Variants in PDLIM5 observed in about 807,000 individuals in gnomAD.
PDLIM5 encodes PDZ and LIM domain 5.
A neutral mutation model predicts 64.2 loss-of-function variants in PDLIM5; 34 were observed. The ratio of observed to expected loss-of-function variants is 0.53; its 90% CI spans 0.40 to 0.71. The LOEUF (loss-of-function observed/expected upper bound fraction) is 0.71. Ranked by LOEUF, PDLIM5 falls within the 30% of genes least tolerant of loss-of-function variation. The probability of loss-of-function intolerance (pLI) is 0.00; values close to 1 mark genes in which losing one functional copy is unlikely to be tolerated. For missense variants in PDLIM5, 683 were observed against 733.6 expected, an observed-to-expected ratio of 0.93 and a Z score of 0.80; for synonymous variants, 253 against 269.1, an observed-to-expected ratio of 0.94 and a Z score of 0.59.
At chr4:94,509,310 G>A (rs1728662675) in intron 2 of PDLIM5, among the ~76,000 whole-genome samples, 1 of 151,938 alleles carries the variant, frequency 6.6e-6, no homozygotes, top group South Asian at 2.1e-4. Flanking sequence ...GCATTTCTTG[G>A]CATTTTCAGT....
chr4:94,478,893 T>G, intron 2 of PDLIM5, among the ~76,000 whole-genome samples: 1 of 51,754 alleles, frequency 1.9e-5, no homozygotes, highest in South Asian at 3.6e-4. Flanking sequence ...GCTTGGTGTT[T>G]TTTTTTTTTT....
intron 2 of PDLIM5, among the ~76,000 whole-genome samples, chr4:94,480,681 C>T (rs920806638): frequency 4.6e-5 from 7 of 152,174 alleles, no homozygotes; most frequent in African/African-American, 1.7e-4. Flanking sequence ...CCTCCTTCTA[C>T]CCTTCAGACC....
rs551803891 is a variant in PDLIM5, at chr4:94,567,501, C to T, written c.249-5850C>T. ...GTTTTCAGAGAATGCAATTCTAGTA[C>T]AGATTGATTTTTTTTTTTTTCATTC... On this transcript the variant is annotated intron_variant, in intron 3 of 12. Coordinates refer to ENST00000317968, the MANE Select transcript of PDLIM5 (RefSeq NM_006457.5). 8.4e-5 allele frequency among the ~76,000 whole-genome samples: 10 copies of T among 118,588 alleles called. No individual in the cohort carries two copies. The South Asian group carries it at 2.3e-3, about 27-fold the overall frequency. The allele number at this position is 118,588 out of a possible 152,430, so 77.8% of individuals were successfully genotyped here.
At chr4:94,646,292 A>G (rs1741407794) in intron 9 of PDLIM5, among the ~76,000 whole-genome samples, 1 of 152,184 alleles carries the variant, frequency 6.6e-6, no homozygotes, top group Non-Finnish European at 1.5e-5. Flanking sequence ...GTGGGCCTTA[A>G]TTAAATTTAA....
intron 5 of PDLIM5, chr4:94,579,470 T>C: frequency 6.2e-6 from 6 of 963,058 alleles, no homozygotes; most frequent in Non-Finnish European, 9.1e-6. Flanking sequence ...CTTGGAAGAT[T>C]AAAAAAAAAT....
chr4:94,637,608 T>A (rs542391329), intron 8 of PDLIM5, among the ~76,000 whole-genome samples: 21 of 152,294 alleles, frequency 1.4e-4, no homozygotes, highest in African/African-American at 4.3e-4. Context: ...TTGCACAAGT[T>A]GAGTATTAAG....
intron 7 of PDLIM5, chr4:94,611,277 T>G: frequency 2.4e-6 from 3 of 1,243,690 alleles, no homozygotes; most frequent in Non-Finnish European, 2.2e-6. Context: ...ACCACTGTAT[T>G]AACAGGCCAG....
At chr4:94,543,568 CT>C (rs967729124) in intron 3 of PDLIM5, among the ~76,000 whole-genome samples, 11 of 151,996 alleles carry the variant, frequency 7.2e-5, no homozygotes, top group Admixed American at 6.6e-4. Flanking sequence ...ATTTCATATC[CT>C]TTGACCAACA....
intron 3 of PDLIM5, among the ~76,000 whole-genome samples, chr4:94,538,138 C>T (rs898832371): frequency 1.3e-5 from 2 of 152,028 alleles, no homozygotes; most frequent in African/African-American, 4.8e-5. Context: ...TTTATTAGTA[C>T]CTTACAAAAT....
intron 8 of PDLIM5, among the ~76,000 whole-genome samples, chr4:94,628,613 A>G (rs1172952786): frequency 6.6e-6 from 1 of 150,574 alleles, no homozygotes; most frequent in South Asian, 2.1e-4. Flanking sequence ...TTTCTCCTTC[A>G]TTTCTGAAAT....
intron 8 of PDLIM5, among the ~76,000 whole-genome samples, chr4:94,633,913 C>A (rs1202649606): frequency 6.6e-6 from 1 of 151,950 alleles, no homozygotes. Flanking sequence ...GGGAGCAAGC[C>A]GTGTGAACAA....
chr4:94,614,151 C>T (rs891629439), intron 7 of PDLIM5, among the ~76,000 whole-genome samples: 4 of 151,974 alleles, frequency 2.6e-5, no homozygotes, highest in African/African-American at 9.7e-5. Context: ...TTAGTAGAGA[C>T]GGGGTTTCAC....
chr4:94,610,191 T>G (rs751435483), intron 7 of PDLIM5: 97 of 1,527,810 alleles, frequency 6.3e-5, no homozygotes, highest in Non-Finnish European at 8.3e-5. Flanking sequence ...ATGTGGAAGA[T>G]TCTTTCGAAG....
intron 2 of PDLIM5, among the ~76,000 whole-genome samples, chr4:94,501,682 T>C (rs1727934396): frequency 6.6e-6 from 1 of 152,328 alleles, no homozygotes; most frequent in Admixed American, 6.5e-5. Context: ...AGACTGACAA[T>C]CCTCACAGTT....
At chr4:94,582,877 T>C in intron 5 of PDLIM5, 3 of 614,946 alleles carry the variant, frequency 4.9e-6, no homozygotes, top group Non-Finnish European at 8.6e-6. Flanking sequence ...AGCATTTTTT[T>C]TTATGCTAGA....
intron 3 of PDLIM5, among the ~76,000 whole-genome samples, chr4:94,573,144 T>G (rs1560712262): frequency 6.6e-6 from 1 of 152,212 alleles, no homozygotes; most frequent in Non-Finnish European, 1.5e-5. Context: ...GAATACCTAG[T>G]GTGTAAAATG....
chr4:94,564,673 T>G (rs112468696), intron 3 of PDLIM5, among the ~76,000 whole-genome samples: 2,384 of 144,852 alleles, frequency 0.016, 81 homozygotes, highest in African/African-American at 0.063. Flanking sequence ...TTTTTTTTTT[T>G]TTGACAGAGT....
At chr4:94,586,921 CT>C in intron 7 of PDLIM5, 6 of 1,344,678 alleles carry the variant, frequency 4.5e-6, no homozygotes, top group Non-Finnish European at 6.1e-6. Flanking sequence ...AGTCTAGAAC[CT>C]TTTTCCTTCT....
In PDLIM5 at chr4:94,642,562, C is replaced by T. The variant is rs550009878; in HGVS notation, c.1283+2112C>T. On this transcript the variant is annotated intron_variant, in intron 9 of 12. Transcript: ENST00000317968. ...AAATTTTATATTGTTCTGGATTATC[C>T]AGTACTTGTTATCAGTTAAGCATTA... is the stretch of plus-strand genomic sequence containing the variant. 9.9e-5 allele frequency among the ~76,000 whole-genome samples: 15 copies of T among 152,188 alleles called. No homozygotes were observed. The South Asian group carries it at 2.5e-3, about 25-fold the overall frequency.
Sources: gnomAD v4.1 joint callset for allele counts (sites outside exome capture counted in the v4.1 genomes callset) on GRCh38, gnomAD v4.1.1 for gene constraint, MANE v1.5 for transcripts, NCBI Gene and HGNC (gene_info 2026-07-23, HGNC 2026-07-21) for gene names.